FIP1L1: variants seen among roughly 807,000 people sequenced by gnomAD.
FIP1L1 encodes the protein pre-mRNA 3'-end-processing factor FIP1.
In FIP1L1, 21 loss-of-function variants were observed where a neutral mutation model predicts 84.6. That is an observed-to-expected ratio of 0.25 (90% CI 0.18 to 0.36). The LOEUF (loss-of-function observed/expected upper bound fraction) is 0.36, where lower values mean the gene tolerates loss of function less well. Ranked by LOEUF, FIP1L1 falls within the 10% of genes least tolerant of loss-of-function variation. The pLI, the probability that FIP1L1 is intolerant of heterozygous loss-of-function variation, is 1.00. For synonymous variants in FIP1L1, 263 were observed against 242.3 expected (o/e 1.09, Z -0.80); for missense variants, 526 against 751.1 (o/e 0.70, Z 3.50).
chr4:53,402,085 T>C (rs896278740), intron 10 of FIP1L1, among the ~76,000 whole-genome samples: 24 of 152,140 alleles, frequency 1.6e-4, no homozygotes, highest in Non-Finnish European at 3.2e-4. Flanking sequence ...ACTGTATGTC[T>C]TGAAAATGAT....
rs1019932061 is a variant in FIP1L1 at position 53,459,737 on chromosome 4, A to G, written c.*288A>G. On this transcript the variant is annotated 3_prime_UTR_variant, in exon 18 of 18. Coordinates refer to ENST00000337488, the MANE Select transcript of FIP1L1 (RefSeq NM_030917.4). ...AAAGAGCTGTGTTAGCTGTGTACAT[A>G]CACAGATTATCTGAGAAAAGGTCAA... The G allele has an allele frequency of 4.1e-4, 158 of 382,994 alleles. 1 individual carries two copies. The highest frequency in any genetic ancestry group is 3.1e-3 in the African/African-American group (150 of 48,066). The allele number at this position is 382,994 out of a possible 1,614,324, so 23.7% of individuals were successfully genotyped here.
chr4:53,409,763 C>T (rs530809776), intron 10 of FIP1L1, among the ~76,000 whole-genome samples: 3 of 152,304 alleles, frequency 2.0e-5, no homozygotes, highest in South Asian at 2.1e-4. Context: ...TAGCAATCTG[C>T]GAGACTCCGT....
At chr4:53,383,987 T>A in intron 5 of FIP1L1, 111 bp downstream of exon 5, 1 of 1,029,558 alleles carries the variant, frequency 9.7e-7, no homozygotes, top group Non-Finnish European at 1.4e-6. Context: ...TTTTCTATTT[T>A]AACATAAAAG....
At position 53,460,296 on chromosome 4, in the gene FIP1L1, T is replaced by TTAA. The variant is rs1178209653; in HGVS notation, c.*849_*851dup. 5.3e-6 allele frequency: 1 copy of TTAA among 190,206 alleles called. No homozygotes were observed. The highest frequency in any genetic ancestry group is 1.1e-5 in the Non-Finnish European group (1 of 90,704). The allele number at this position is 190,206 out of a possible 1,614,324, so 11.8% of individuals were successfully genotyped here. On this transcript the variant is annotated 3_prime_UTR_variant, in exon 18 of 18. Coordinates refer to ENST00000337488, the MANE Select transcript of FIP1L1 (RefSeq NM_030917.4). ...TACTAAAAACAAAACAAGTTTATAA[T>TTAA]TAATTCTCTGAGCGAGCATTTTTAG...
chr4:53,428,075 C>A lies in FIP1L1; in HGVS notation c.1066C>A (p.Pro356Thr). Reference sequence around the variant, plus strand: ...TGAAGTAGACAACAATTTTAGCAAACCACCTCCGTTTTTCCCTCCAGGAGC... The same window carrying A: ...TGAAGTAGACAACAATTTTAGCAAAACACCTCCGTTTTTCCCTCCAGGAGC... ...ATEVDNNFSK[P>T]PPFFPPGAPP... Residue 356 changes from proline (P) to threonine (T), a missense_variant, in exon 13 of 18, where the codon CCA (proline) becomes ACA (threonine). Transcript: ENST00000337488. The A allele has an allele frequency of 6.2e-7, 1 of 1,610,496 alleles. No homozygotes were observed.
In FIP1L1 at chr4:53,438,402, C is replaced by T. The variant is rs552353253; in HGVS notation, c.1175-4251C>T. 1.5e-4 allele frequency among the ~76,000 whole-genome samples: 23 copies of T among 152,180 alleles called. 1 individual carries two copies. The highest frequency in any genetic ancestry group is 1.5e-3 in the South Asian group (7 of 4,814). On this transcript the variant is annotated intron_variant, in intron 13 of 17. Coordinates refer to ENST00000337488, the MANE Select transcript of FIP1L1 (RefSeq NM_030917.4). ...ATGATGTTGGCCTTACATGATATCA[C>T]GTATCAGTTTGAAAATACATTCAGT...
chr4:53,440,225 A>G (rs1199688748), intron 13 of FIP1L1, among the ~76,000 whole-genome samples: 3 of 152,048 alleles, frequency 2.0e-5, no homozygotes, highest in Non-Finnish European at 4.4e-5. Flanking sequence ...CAGTTTTTCT[A>G]TTAAAATGTT....
At chr4:53,402,195 TG>T (rs34643693) in intron 10 of FIP1L1, among the ~76,000 whole-genome samples, 1 of 152,154 alleles carries the variant, frequency 6.6e-6, no homozygotes, top group Non-Finnish European at 1.5e-5. Context: ...TGATGGTCAT[TG>T]GTGATCCTGA....
intron 5 of FIP1L1, among the ~76,000 whole-genome samples, chr4:53,388,682 C>T (rs1225020486): frequency 1.3e-5 from 2 of 152,172 alleles, no homozygotes; most frequent in African/African-American, 4.8e-5. Flanking sequence ...CTTCTTTGCC[C>T]ATTCCCGTTT....
At chr4:53,409,979 C>T (rs1756265263) in intron 10 of FIP1L1, among the ~76,000 whole-genome samples, 1 of 152,262 alleles carries the variant, frequency 6.6e-6, no homozygotes, top group South Asian at 2.1e-4. Flanking sequence ...TTGGCTCGCC[C>T]ATGGTGCGCT....
intron 16 of FIP1L1, among the ~76,000 whole-genome samples, chr4:53,458,118 A>T (rs1456828981): frequency 6.6e-6 from 1 of 152,140 alleles, no homozygotes; most frequent in African/African-American, 2.4e-5. Flanking sequence ...TTATTTTTAT[A>T]CTTCTCTATT....
intron 6 of FIP1L1, 112 bp downstream of exon 6, chr4:53,389,985 C>A: frequency 1.3e-6 from 1 of 768,214 alleles, no homozygotes; most frequent in Non-Finnish European, 2.1e-6. Context: ...GTCACTCAGG[C>A]TGGAGTACAG....
intron 16 of FIP1L1, among the ~76,000 whole-genome samples, chr4:53,456,994 C>T (rs1719447175): frequency 6.6e-6 from 1 of 151,984 alleles, no homozygotes; most frequent in Non-Finnish European, 1.5e-5. Context: ...GAGAAGTTAA[C>T]TATATTTATT....
chr4:53,413,160 G>T (rs1281171138), intron 10 of FIP1L1, among the ~76,000 whole-genome samples: 2 of 145,798 alleles, frequency 1.4e-5, no homozygotes, highest in African/African-American at 2.5e-5. Flanking sequence ...TCTCCATCAT[G>T]TTTTTTTTTT....
intron 10 of FIP1L1, among the ~76,000 whole-genome samples, chr4:53,403,862 G>T (rs1272662068): frequency 6.6e-6 from 1 of 152,134 alleles, no homozygotes; most frequent in African/African-American, 2.4e-5. Flanking sequence ...CTGGTATTCA[G>T]AAAGCCGTAG....
chr4:53,417,809 TCTCTCTCTCTCA>T (rs1760486819), intron 11 of FIP1L1, among the ~76,000 whole-genome samples: 2 of 110,720 alleles, frequency 1.8e-5, no homozygotes, highest in African/African-American at 7.0e-5. Context: ...TCTCTCTCTC[TCTCTCTCTCTCA>T]GGCTACTTTT....
At chr4:53,408,837 C>T (rs1755361310) in intron 10 of FIP1L1, among the ~76,000 whole-genome samples, 1 of 152,198 alleles carries the variant, frequency 6.6e-6, no homozygotes. Context: ...CCTTGGTTTT[C>T]AGCTCTGTCA....
At chr4:53,396,748 G>A (rs779820823) in intron 9 of FIP1L1, among the ~76,000 whole-genome samples, 3 of 152,154 alleles carry the variant, frequency 2.0e-5, no homozygotes, top group Non-Finnish European at 4.4e-5. Context: ...CAAATGGACA[G>A]TGCTCATAAA....
At chr4:53,436,523 A>G (rs1769264181) in intron 13 of FIP1L1, among the ~76,000 whole-genome samples, 1 of 152,224 alleles carries the variant, frequency 6.6e-6, no homozygotes, top group Non-Finnish European at 1.5e-5. Flanking sequence ...TAACCTAGTC[A>G]TGGAAGTAAC....
Sources: allele counts gnomAD v4.1 joint callset (sites outside exome capture counted in the v4.1 genomes callset), GRCh38; gene constraint gnomAD v4.1.1; transcripts MANE v1.5; gene names NCBI Gene and HGNC (gene_info 2026-07-23, HGNC 2026-07-21).